The following KDM7A variants were observed in gnomAD, a reference collection of about 807,000 sequenced individuals.
The protein encoded by KDM7A is lysine-specific demethylase 7A.
Under a neutral mutation model 114.8 loss-of-function variants are expected in KDM7A, and 28 were observed. The observed-to-expected ratio is 0.24, with a 90% confidence interval of 0.18 to 0.33. The LOEUF (loss-of-function observed/expected upper bound fraction) is 0.33, where lower values mean the gene tolerates loss of function less well. Ranked by LOEUF, KDM7A falls within the 10% of genes least tolerant of loss-of-function variation. The pLI, the probability that KDM7A is intolerant of heterozygous loss-of-function variation, is 1.00. For synonymous variants in KDM7A, 423 were observed against 397.8 expected (o/e 1.06, Z -0.75); for missense variants, 942 against 1,142.5 (o/e 0.82, Z 2.53).
At chr7:140,100,568 AT>A in intron 12 of KDM7A, among the ~76,000 whole-genome samples, 1 of 142,662 alleles carries the variant, frequency 7.0e-6, no homozygotes, top group South Asian at 2.3e-4. Context: ...AGAACCTTTC[AT>A]AATAAGCTTA....
chr7:140,101,731 A>C (rs1043518595), intron 12 of KDM7A, among the ~76,000 whole-genome samples: 1 of 152,218 alleles, frequency 6.6e-6, no homozygotes, highest in Non-Finnish European at 1.5e-5. Flanking sequence ...CTCAATAAAC[A>C]TATCAGCAAT....
Position 140,176,756 on chromosome 7 carries a change from C to A in KDM7A, c.182G>T (p.Trp61Leu). ...GGGGTTTATTTACCTGCCGTGGAAC[C>A]AGTCCTTGCAGATATCGCACTCGAT... The part of the protein sequence containing the change: ...FMIECDICKD[W>L]FHGSCVGVEE... The change falls in exon 1 of 20, where the codon TGG becomes TTG. Residue 61 changes from tryptophan (W) to leucine (L), a missense_variant. Physicochemically the swap from Trp to Leu is moderately conservative, Grantham distance 61. This residue lies in a region of KDM7A where 112 missense variants were observed against 96.2 expected (regional missense o/e 1.16). Transcript: ENST00000397560. The surrounding 1 kb of genome is among the most constrained non-coding windows in gnomAD (Gnocchi z 4.4). The A allele has an allele frequency of 7.3e-7, 1 of 1,376,016 alleles. No homozygotes were observed. The highest frequency in any genetic ancestry group is 9.6e-7 in the Non-Finnish European group (1 of 1,039,142). The allele number at this position is 1,376,016 out of a possible 1,614,324, so 85.2% of individuals were successfully genotyped here. A position where few individuals can be genotyped will look rare whatever the true frequency, so the allele number is the denominator to read the frequency against.
rs114870645 is a variant in KDM7A at position 140,147,412 on chromosome 7, G to A, written c.195-8222C>T. Among the ~76,000 whole-genome samples the A allele has an allele frequency of 3.3e-3, 502 of 152,170 alleles. 1 individual carries two copies. Among genetic ancestry groups the A allele is most frequent in the African/African-American group, 0.01 (421 of 41,520 alleles). On this transcript the variant is annotated intron_variant, in intron 1 of 19. Coordinates refer to ENST00000397560, the MANE Select transcript of KDM7A (RefSeq NM_030647.2). ...AAAATTCTTAACAGCTGGTAAAAAC[G>A]GAAAGCTCTTTCAACATGTAAAGTA...
At chr7:140,139,037 T>C in intron 2 of KDM7A, 68 bp downstream of exon 2, 1 of 958,018 alleles carries the variant, frequency 1.0e-6, no homozygotes, top group Non-Finnish European at 1.7e-6. Context: ...AGTATTACCA[T>C]GTACATGTAA....
intron 11 of KDM7A, 90 bp downstream of exon 11, chr7:140,111,005 T>G: frequency 1.4e-6 from 1 of 720,936 alleles, no homozygotes; most frequent in Non-Finnish European, 2.3e-6. Context: ...TGTGTAAGAG[T>G]TTTTAAATAT....
At position 140,089,513 on chromosome 7, in the gene KDM7A, C is replaced by T. The variant is rs928489127; in HGVS notation, c.*1581G>A. 6.4e-4 allele frequency: 97 copies of T among 152,162 alleles called. 1 individual carries two copies. The highest frequency in any genetic ancestry group is 2.2e-3 in the African/African-American group (93 of 41,510). 9.4% of individuals were successfully genotyped at this position (152,162 alleles called of 1,614,324 possible). ...AAAAAAAGACAAATCCATAATATGG[C>T]CATATTTCTTCTCCATAAAAATAAA... On this transcript the variant is annotated 3_prime_UTR_variant, in exon 20 of 20. Coordinates refer to ENST00000397560, the MANE Select transcript of KDM7A (RefSeq NM_030647.2).
At chr7:140,138,357 A>T (rs1818902803) in intron 2 of KDM7A, among the ~76,000 whole-genome samples, 1 of 152,108 alleles carries the variant, frequency 6.6e-6, no homozygotes, top group Admixed American at 6.5e-5. Flanking sequence ...TTTCTCTCAC[A>T]TTTGCACAAT....
intron 1 of KDM7A, among the ~76,000 whole-genome samples, chr7:140,147,628 C>T (rs1368545725): frequency 6.6e-6 from 1 of 152,164 alleles, no homozygotes; most frequent in Non-Finnish European, 1.5e-5. Context: ...TAAAGTCCCA[C>T]ACTAACAAAG....
At chr7:140,143,509 A>G (rs1428556044) in intron 1 of KDM7A, among the ~76,000 whole-genome samples, 3 of 152,242 alleles carry the variant, frequency 2.0e-5, no homozygotes, top group Non-Finnish European at 4.4e-5. Flanking sequence ...AACACAATAC[A>G]CAATTAAAAT....
intron 1 of KDM7A, among the ~76,000 whole-genome samples, chr7:140,145,468 T>C (rs1224664579): frequency 6.6e-6 from 1 of 152,110 alleles, no homozygotes; most frequent in Non-Finnish European, 1.5e-5. Flanking sequence ...ATTTCCGAGG[T>C]AGCATCATCT....
At chr7:140,135,490 T>A (rs543429894) in intron 2 of KDM7A, among the ~76,000 whole-genome samples, 3 of 152,184 alleles carry the variant, frequency 2.0e-5, no homozygotes, top group African/African-American at 7.2e-5. Context: ...TGTGAGCCAC[T>A]GCGCCCAGCC....
intron 1 of KDM7A, among the ~76,000 whole-genome samples, chr7:140,168,424 C>T (rs1044926158): frequency 4.6e-5 from 7 of 152,014 alleles, no homozygotes; most frequent in East Asian, 3.9e-4. Context: ...AAAAATTAGC[C>T]GGGCACAGTG....
At chr7:140,146,036 ATC>A (rs1347312729) in intron 1 of KDM7A, among the ~76,000 whole-genome samples, 1 of 152,128 alleles carries the variant, frequency 6.6e-6, no homozygotes, top group Non-Finnish European at 1.5e-5. Flanking sequence ...ACCCCATATA[ATC>A]TGTTTTATGA....
chr7:140,126,351 GA>G (rs999927341), intron 6 of KDM7A, among the ~76,000 whole-genome samples: 3 of 150,544 alleles, frequency 2.0e-5, no homozygotes, highest in African/African-American at 7.3e-5. Flanking sequence ...TTAACTAGGG[GA>G]AAAAAAATCA....
rs1794707392 is a variant in KDM7A, at chr7:140,176,345, G to C, written c.194+399C>G. Among the ~76,000 whole-genome samples, 1 of 142,968 alleles carries C rather than the reference G, an allele frequency of 7.0e-6. No individual in the cohort carries two copies. Among genetic ancestry groups the C allele is most frequent in the South Asian group, 2.2e-4 (1 of 4,552 alleles). 93.8% of individuals were successfully genotyped at this position (142,968 alleles called of 152,430 possible). A position where few individuals can be genotyped will look rare whatever the true frequency, so the allele number is the denominator to read the frequency against. On this transcript the variant is annotated intron_variant, in intron 1 of 19. Transcript: ENST00000397560. The surrounding 1 kb of genome is among the most constrained non-coding windows in gnomAD (Gnocchi z 4.4). Reference sequence around the variant, plus strand: ...GGCCGGCGACTCCGGCCGGAGCCCCGGGCGCGGCGGGGCGGGGCGGGGCGG... The same window carrying C: ...GGCCGGCGACTCCGGCCGGAGCCCCCGGCGCGGCGGGGCGGGGCGGGGCGG...
chr7:140,113,135 A>G (rs971823118), intron 10 of KDM7A, among the ~76,000 whole-genome samples: 1 of 152,268 alleles, frequency 6.6e-6, no homozygotes, highest in Non-Finnish European at 1.5e-5. Context: ...CACAGTTGGC[A>G]TTGAGGATTA....
chr7:140,158,470 A>G (rs1562959925), intron 1 of KDM7A, among the ~76,000 whole-genome samples: 1 of 152,178 alleles, frequency 6.6e-6, no homozygotes, highest in East Asian at 1.9e-4. Flanking sequence ...AAGGACTGCC[A>G]TTAAATGAAA....
intron 2 of KDM7A, among the ~76,000 whole-genome samples, chr7:140,137,062 A>C (rs1007866980): frequency 2.0e-5 from 3 of 152,142 alleles, no homozygotes; most frequent in African/African-American, 7.2e-5. Context: ...AAAGGGATTA[A>C]CCAAGTTGGG....
chr7:140,137,050 C>A (rs1384479153), intron 2 of KDM7A, among the ~76,000 whole-genome samples: 1 of 149,300 alleles, frequency 6.7e-6, no homozygotes, highest in African/African-American at 2.5e-5. Flanking sequence ...GGAAAGGGAT[C>A]AAAAGGGATT....
Sources: allele counts gnomAD v4.1 joint callset (sites outside exome capture counted in the v4.1 genomes callset), GRCh38; gene constraint gnomAD v4.1.1; regional missense constraint gnomAD v4.1.1; non-coding constraint Gnocchi (gnomAD v3.1); transcripts MANE v1.5; gene names NCBI Gene and HGNC (gene_info 2026-07-23, HGNC 2026-07-21).